SGPL1: variants seen among roughly 807,000 people sequenced by gnomAD.
The protein encoded by SGPL1 is SP-lyase 1.
SGPL1 carries 37 observed loss-of-function variants against 68.9 expected under a neutral mutation model. The observed-to-expected ratio is 0.54, with a 90% CI of 0.41 to 0.71. The LOEUF (loss-of-function observed/expected upper bound fraction) is 0.71, where lower values mean the gene tolerates loss of function less well. SGPL1 is among the 30% of genes least tolerant of loss of function. The probability of loss-of-function intolerance (pLI) is 0.00; values close to 1 mark genes in which losing one functional copy is unlikely to be tolerated. For missense variants in SGPL1, 551 were observed against 704.6 expected (o/e 0.78, Z 2.47); for synonymous variants, 236 against 248.5 (o/e 0.95, Z 0.47).
intron 5 of SGPL1, among the ~76,000 whole-genome samples, chr10:70,856,933 C>G (rs1406143263): frequency 6.6e-6 from 1 of 152,184 alleles, no homozygotes; most frequent in African/African-American, 2.4e-5. Context: ...AGGAACTTTA[C>G]TTTTCTTTCC....
intron 2 of SGPL1, among the ~76,000 whole-genome samples, chr10:70,843,533 T>C (rs1250863379): frequency 6.6e-6 from 1 of 152,130 alleles, no homozygotes; most frequent in East Asian, 1.9e-4. Flanking sequence ...AACAGATGAG[T>C]AGACTGCAAG....
At chr10:70,862,627 T>A (rs1846093466) in intron 7 of SGPL1, among the ~76,000 whole-genome samples, 1 of 152,142 alleles carries the variant, frequency 6.6e-6, no homozygotes, top group Non-Finnish European at 1.5e-5. Flanking sequence ...GGTCTGCAGC[T>A]TCACTCCTGA....
chr10:70,861,798 G>A (rs1327207397), intron 7 of SGPL1, among the ~76,000 whole-genome samples: 3 of 152,200 alleles, frequency 2.0e-5, no homozygotes, highest in Admixed American at 6.5e-5. Flanking sequence ...CAGCAGCTGC[G>A]GAGGGGGTTC....
At chr10:70,870,806 C>T (rs1399096241) in intron 9 of SGPL1, among the ~76,000 whole-genome samples, 3 of 152,120 alleles carry the variant, frequency 2.0e-5, no homozygotes, top group African/African-American at 2.4e-5. Flanking sequence ...ATATTATTTT[C>T]GCCCCCACAG....
At chr10:70,818,108 C>CGTTTT (rs1168301627) in intron 2 of SGPL1, among the ~76,000 whole-genome samples, 8 of 151,550 alleles carry the variant, frequency 5.3e-5, no homozygotes, top group South Asian at 2.1e-4. Flanking sequence ...TTTTTTGTTT[C>CGTTTT]GTTTTGTTTT....
chr10:70,823,801 T>G (rs1452045409), intron 2 of SGPL1, among the ~76,000 whole-genome samples: 1 of 151,952 alleles, frequency 6.6e-6, no homozygotes, highest in Non-Finnish European at 1.5e-5. Flanking sequence ...CTTTTTCCTT[T>G]TTCTTTTAAT....
intron 7 of SGPL1, chr10:70,866,234 A>C (rs1846183515): frequency 6.6e-6 from 1 of 152,020 alleles, no homozygotes; most frequent in African/African-American, 2.4e-5. Flanking sequence ...AAAAAATACA[A>C]AAGTTAGCCA....
Position 70,876,580 on chromosome 10 carries a change from A to G in SGPL1, c.1485A>G (p.Arg495=). 1 of 1,612,500 alleles carries G rather than the reference A, an allele frequency of 6.2e-7. No homozygotes were observed. The highest frequency in any genetic ancestry group is 8.5e-7 in the Non-Finnish European group (1 of 1,178,596). ...FCITLLHARK[R]VAIQFLKDIR... Reference sequence around the variant, plus strand: ...TCACATTACTACACGCCCGGAAACGAGTAGCTATACAATTCCTAAAGGACA... The same window carrying G: ...TCACATTACTACACGCCCGGAAACGGGTAGCTATACAATTCCTAAAGGACA... Residue 495 remains arginine (R), a synonymous_variant, in exon 14 of 15, where the codon CGA becomes CGG. Coordinates refer to ENST00000373202, the MANE Select transcript of SGPL1 (RefSeq NM_003901.4).
intron 12 of SGPL1, among the ~76,000 whole-genome samples, chr10:70,874,583 C>T (rs827247): frequency 0.98 from 148,795 of 152,196 alleles, 72,855 homozygotes; most frequent in Middle Eastern, 1. Flanking sequence ...ATTAGCCGGG[C>T]GTGGTGGCGC....
At chr10:70,866,591 G>A (rs1846191651) in intron 7 of SGPL1, 1 of 152,194 alleles carries the variant, frequency 6.6e-6, no homozygotes, top group Non-Finnish European at 1.5e-5. Context: ...TGGTGACTTG[G>A]ACTTTGCTGG....
chr10:70,851,859 A>G (rs932458901), intron 4 of SGPL1, among the ~76,000 whole-genome samples: 7 of 152,344 alleles, frequency 4.6e-5, no homozygotes, highest in Non-Finnish European at 1.0e-4. Flanking sequence ...TTACGAATTC[A>G]GGTAGGCCTT....
In SGPL1 at chr10:70,842,980, C is replaced by A. The variant is rs192632881; in HGVS notation, c.28-1493C>A. ...AGAAATGGTCCCTGCCATCATGTAG[C>A]TTACACTTTGCCACATAGAACTTTT... On this transcript the variant is annotated intron_variant, in intron 2 of 14. Transcript: ENST00000373202. Among the ~76,000 whole-genome samples the A allele has an allele frequency of 7.9e-4, 119 of 151,554 alleles. 1 individual carries two copies. The highest frequency in any genetic ancestry group is 2.8e-3 in the African/African-American group (115 of 41,512).
At chr10:70,825,098 G>A (rs1225763868) in intron 2 of SGPL1, among the ~76,000 whole-genome samples, 1 of 151,732 alleles carries the variant, frequency 6.6e-6, no homozygotes, top group Non-Finnish European at 1.5e-5. Flanking sequence ...CCAAGTAGCT[G>A]GGATTACACT....
At chr10:70,870,983 G>A in intron 9 of SGPL1, 65 bp from the exon 10 acceptor site, 3 of 1,409,164 alleles carry the variant, frequency 2.1e-6, no homozygotes, top group Admixed American at 1.7e-5. Flanking sequence ...AATTGCTCTT[G>A]GCAGCAGAAG....
intron 2 of SGPL1, among the ~76,000 whole-genome samples, chr10:70,821,737 C>A (rs939035041): frequency 1.3e-5 from 2 of 152,080 alleles, no homozygotes; most frequent in African/African-American, 4.8e-5. Context: ...AGTTTCTTAC[C>A]ATAGATACCT....
At chr10:70,866,748 CAAGTGTCCCATGCCCAAGTT>C (rs1846196726) in intron 7 of SGPL1, 1 of 152,216 alleles carries the variant, frequency 6.6e-6, no homozygotes, top group Non-Finnish European at 1.5e-5. Context: ...TAGTGACCTA[CAAGTGTCCCATGCCCAAGTT>C]GGGTGCATTA....
Position 70,836,589 on chromosome 10 carries a change from G to A in SGPL1, c.28-7884G>A, listed in dbSNP as rs115763135. ...CTTTGCCTTTCCCTTTCCCTTTCCT[G>A]AGATAGAGTCTCACTCTGCCGCCCA... On this transcript the variant is annotated intron_variant, in intron 2 of 14. Transcript: ENST00000373202. Among the ~76,000 whole-genome samples, 1,348 of 150,836 alleles carry A rather than the reference G, an allele frequency of 8.9e-3. 32 individuals are homozygous for A. The highest frequency in any genetic ancestry group is 0.031 in the African/African-American group (1,280 of 40,942).
At chr10:70,861,660 A>C (rs61851615) in intron 7 of SGPL1, among the ~76,000 whole-genome samples, 9,651 of 152,252 alleles carry the variant, frequency 0.063, 396 homozygotes, top group South Asian at 0.12. Flanking sequence ...CGTGAGCCGG[A>C]ACCAGGGCTG....
chr10:70,844,987 C>G (rs866228240), intron 3 of SGPL1, among the ~76,000 whole-genome samples: 20 of 152,274 alleles, frequency 1.3e-4, no homozygotes, highest in African/African-American at 4.1e-4. Flanking sequence ...ATCCACCCAC[C>G]TCGGCCTCCC....
Sources: allele counts gnomAD v4.1 joint callset (sites outside exome capture counted in the v4.1 genomes callset), GRCh38; gene constraint gnomAD v4.1.1; transcripts MANE v1.5; gene names NCBI Gene and HGNC (gene_info 2026-07-23, HGNC 2026-07-21).